The following HECTD4 variants were observed in gnomAD, a reference collection of about 807,000 sequenced individuals.
HECTD4 encodes probable E3 ubiquitin-protein ligase HECTD4.
HECTD4 carries 114 observed loss-of-function variants against 471.5 expected under a neutral mutation model. The ratio of observed to expected loss-of-function variants is 0.24; its 90% CI spans 0.21 to 0.28. HECTD4 has a LOEUF of 0.28. Among genes scored for constraint, HECTD4 ranks in the 10% least tolerant of loss-of-function variants. The pLI, the probability that HECTD4 is intolerant of heterozygous loss-of-function variation, is 1.00. For synonymous variants in HECTD4, 2,012 were observed against 2,256.0 expected, an observed-to-expected ratio of 0.89 and a Z score of 3.07; for missense variants, 3,866 against 5,651.5, an observed-to-expected ratio of 0.68 and a Z score of 10.13.
intron 1 of HECTD4, among the ~76,000 whole-genome samples, chr12:112,351,652 T>C (rs2036249883): frequency 6.6e-6 from 1 of 152,218 alleles, no homozygotes; most frequent in South Asian, 2.1e-4. Context: ...GTGAAAGGTG[T>C]TAATTTAGTG....
At position 112,229,870 on chromosome 12, in the gene HECTD4, C is replaced by T. The variant is rs1002387946; in HGVS notation, c.6347G>A (p.Arg2116Lys). Residue 2116 changes from arginine to lysine, a missense_variant, in exon 41 of 76, where the codon AGA becomes AAA. Physicochemically the swap from Arg to Lys is conservative, Grantham distance 26 (BLOSUM62 2). Coordinates refer to ENST00000682272, the MANE Select transcript of HECTD4 (RefSeq NM_001388303.1). ...WTTTAEKVLS[R>K]ALMYIPQLGK... ...CAATTGTGGAATGTACATCAGTGCT[C>T]TAGACAGAACCTAAATATAGAAGCA... The T allele has an allele frequency of 1.2e-5, 20 of 1,613,064 alleles. No individual in the cohort carries two copies. In the African/African-American group the frequency reaches 1.9e-4, roughly 15 times the overall value.
rs1298876287 is a variant in HECTD4, at chr12:112,173,377, T to A, written c.11595-516A>T. ...GCCTAATTTTAAAATTTTAATTTTT[T>A]AATTTTTTTATTTTTATTTATTTAT... On this transcript the variant is annotated intron_variant, in intron 66 of 75. Transcript: ENST00000682272. The surrounding 1 kb of genome is among the most constrained non-coding windows in gnomAD (Gnocchi z 4.3). Among the ~76,000 whole-genome samples, 1 of 151,926 alleles carries A rather than the reference T, an allele frequency of 6.6e-6. No individual in the cohort carries two copies. The highest frequency in any genetic ancestry group is 1.9e-4 in the East Asian group (1 of 5,178).
intron 7 of HECTD4, chr12:112,301,926 A>C: frequency 9.8e-7 from 1 of 1,019,046 alleles, no homozygotes; most frequent in East Asian, 2.4e-5. Flanking sequence ...TTGGCAATGC[A>C]AGCCACAGAC....
At chr12:112,177,315 C>T (rs774055641) in intron 64 of HECTD4, among the ~76,000 whole-genome samples, 3 of 151,928 alleles carry the variant, frequency 2.0e-5, no homozygotes, top group Admixed American at 1.3e-4. Flanking sequence ...GTCACAGACC[C>T]GTATCTAAAG....
At chr12:112,320,113 T>G (rs918487060) in intron 1 of HECTD4, among the ~76,000 whole-genome samples, 1 of 151,674 alleles carries the variant, frequency 6.6e-6, no homozygotes, top group African/African-American at 2.4e-5. Flanking sequence ...GGTGGGTGGA[T>G]AGCTTGAGCC....
Position 112,175,816 on chromosome 12 carries a change from A to T in HECTD4, c.11514T>A (p.Phe3838Leu). 6.2e-7 allele frequency: 1 copy of T among 1,613,608 alleles called. No individual in the cohort carries two copies. Among genetic ancestry groups the T allele is most frequent in the Non-Finnish European group, 8.5e-7 (1 of 1,179,746 alleles). Residue 3838 changes from phenylalanine to leucine, a missense_variant, in exon 66 of 76, where the codon TTT becomes TTA. Phe to Leu is a conservative substitution (Grantham distance 22). Around this residue, in one of 16 missense-constraint regions of HECTD4, gnomAD observed 715 missense variants for 1,087.6 expected, o/e 0.66. Coordinates refer to ENST00000682272, the MANE Select transcript of HECTD4 (RefSeq NM_001388303.1). ...KYLTLEGFHK[F>L]VIDRARQDIR... ...TATCTTGCCTGGCTCGGTCAATAACAAATTTGTGAAATCCTTCCAGCGTCA... is the reference window on the plus strand; with the variant it reads ...TATCTTGCCTGGCTCGGTCAATAACTAATTTGTGAAATCCTTCCAGCGTCA...
chr12:112,221,126 T>G (rs1193710186), intron 44 of HECTD4, among the ~76,000 whole-genome samples: 1 of 152,040 alleles, frequency 6.6e-6, no homozygotes, highest in Admixed American at 6.5e-5. Context: ...TAATTTTTTG[T>G]ATTTTTTGTA....
chr12:112,207,106 A>T (rs902121233), intron 52 of HECTD4, among the ~76,000 whole-genome samples: 3 of 148,036 alleles, frequency 2.0e-5, no homozygotes, highest in Non-Finnish European at 3.0e-5. Flanking sequence ...GTTTATGTAT[A>T]TGTGTGTGTG....
rs756446506 is a variant in HECTD4 at position 112,192,590 on chromosome 12, G to A, written c.9262C>T (p.Leu3088Phe). 6.3e-7 allele frequency: 1 copy of A among 1,599,436 alleles called. No homozygotes were observed. Among genetic ancestry groups the A allele is most frequent in the South Asian group, 1.1e-5 (1 of 88,122 alleles). ...PTADQYPSVV[L>F]STDRVHIKLG... ...TTGATGTGGACCCTGTCTGTGGAGA[G>A]GACCACAGAGGGGTACTGGTCAGCG... Residue 3088 changes from leucine (L) to phenylalanine (F), a missense_variant, in exon 59 of 76, where the codon CTC (leucine) becomes TTC (phenylalanine). Leu to Phe is a conservative substitution (Grantham distance 22). Around this residue, in one of 16 missense-constraint regions of HECTD4, gnomAD observed 364 missense variants for 413.2 expected, o/e 0.88. Coordinates refer to ENST00000682272, the MANE Select transcript of HECTD4 (RefSeq NM_001388303.1).
chr12:112,236,778 T>C (rs1207578711), intron 35 of HECTD4, among the ~76,000 whole-genome samples, 167 bp downstream of exon 35: 1 of 152,228 alleles, frequency 6.6e-6, no homozygotes, highest in Admixed American at 6.5e-5. Context: ...TGGAACTAAA[T>C]ACTATGTTTC....
chr12:112,324,180 T>C (rs1477267203), intron 1 of HECTD4, among the ~76,000 whole-genome samples: 1 of 149,334 alleles, frequency 6.7e-6, no homozygotes, highest in African/African-American at 2.5e-5. Context: ...AGTGGTGCAA[T>C]CTTAGCTCAC....
chr12:112,349,190 C>T (rs1271208120), intron 1 of HECTD4, among the ~76,000 whole-genome samples: 1 of 152,108 alleles, frequency 6.6e-6, no homozygotes, highest in East Asian at 1.9e-4. Flanking sequence ...GAGTTCGAGA[C>T]CAGCCTAGCC....
In HECTD4 at chr12:112,248,340, C is replaced by A; in HGVS notation, c.4123G>T (p.Ala1375Ser). 1 of 1,599,436 alleles carries A rather than the reference C, an allele frequency of 6.3e-7. No homozygotes were observed. The highest frequency in any genetic ancestry group is 1.7e-5 in the Admixed American group (1 of 57,830). The change falls in exon 26 of 76, where the codon GCC (alanine) becomes TCC (serine). Residue 1375 changes from alanine to serine, a missense_variant. This residue lies in a region of HECTD4 where 281 missense variants were observed against 499.9 expected (regional missense o/e 0.56). Coordinates refer to ENST00000682272, the MANE Select transcript of HECTD4 (RefSeq NM_001388303.1). ...IMGETFKKLN[A>S]MERQLQSVAE... The stretch of plus-strand genomic sequence containing the variant: ...TTTACCTGCAGCTGTCTCTCCATGG[C>A]ATTGAGTTTCTTAAAGGTCTCTCCC...
chr12:112,379,053 C>A lies in HECTD4; in HGVS notation c.177+2899G>T, dbSNP rs559530098. On this transcript the variant is annotated intron_variant, in intron 1 of 75. Transcript: ENST00000682272. Reference sequence around the variant, plus strand: ...CAAGACTCCGTCTCAAAAAAAAAAACCAAAAATTAATAGACCACGAATCTT... The same window carrying A: ...CAAGACTCCGTCTCAAAAAAAAAAAACAAAAATTAATAGACCACGAATCTT... Among the ~76,000 whole-genome samples the A allele has an allele frequency of 1.0e-3, 157 of 151,360 alleles. 1 individual carries two copies. The highest frequency in any genetic ancestry group is 3.1e-3 in the African/African-American group (130 of 41,304).
chr12:112,328,765 C>T (rs1388947611), intron 1 of HECTD4, among the ~76,000 whole-genome samples: 1 of 152,210 alleles, frequency 6.6e-6, no homozygotes, highest in Admixed American at 6.5e-5. Context: ...TTTTCAACAT[C>T]TCTTATTTGT....
At position 112,179,454 on chromosome 12, in the gene HECTD4, C is replaced by T. The variant is rs2031583372; in HGVS notation, c.10988-57G>A. 2.8e-6 allele frequency: 4 copies of T among 1,431,736 alleles called. No homozygotes were observed. Among genetic ancestry groups the T allele is most frequent in the African/African-American group, 1.4e-5 (1 of 71,018 alleles). The allele number at this position is 1,431,736 out of a possible 1,614,324, so 88.7% of individuals were successfully genotyped here. A position where few individuals can be genotyped will look rare whatever the true frequency, so the allele number is the denominator to read the frequency against. On this transcript the variant is annotated intron_variant, in intron 62 of 75. Transcript: ENST00000682272. The surrounding 1 kb of genome is among the most constrained non-coding windows in gnomAD (Gnocchi z 4.3). ...GCCGTGAACATGCATCGGGACAAGC[C>T]CTGCGAGCATTCTGTTTCCAAACAC...
chr12:112,230,967 A>G, intron 39 of HECTD4, 145 bp from the exon 40 acceptor site: 1 of 693,592 alleles, frequency 1.4e-6, no homozygotes, highest in Non-Finnish European at 2.4e-6. Context: ...ACAAGAAGCT[A>G]CATTATCATT....
chr12:112,184,730 T>C lies in HECTD4; in HGVS notation c.10236A>G (p.Val3412=), dbSNP rs1382963131. 4 of 1,612,306 alleles carry C rather than the reference T, an allele frequency of 2.5e-6. No homozygotes were observed. Among genetic ancestry groups the C allele is most frequent in the South Asian group, 1.1e-5 (1 of 90,940 alleles). Residue 3412 remains valine (V), a synonymous_variant, in exon 61 of 76, where the codon GTA becomes GTG. Transcript: ENST00000682272. The surrounding 1 kb of genome is among the most constrained non-coding windows in gnomAD (Gnocchi z 9.1). ...AGGCCTTGCGGATGGCGCCTCTGAC[T>C]ACGCCCTCGTCCAGGTGGGTGGGGA... ...SGIPTHLDEG[V]VRGAIRKACN...
At chr12:112,178,610 G>A (rs757426449) in intron 64 of HECTD4, among the ~76,000 whole-genome samples, 2 of 152,176 alleles carry the variant, frequency 1.3e-5, no homozygotes, top group East Asian at 1.9e-4. Flanking sequence ...CAGGCTGATC[G>A]CTTGAGCCTA....
Sources: allele counts gnomAD v4.1 joint callset (sites outside exome capture counted in the v4.1 genomes callset), GRCh38; gene constraint gnomAD v4.1.1; regional missense constraint gnomAD v4.1.1; non-coding constraint Gnocchi (gnomAD v3.1); transcripts MANE v1.5; gene names NCBI Gene and HGNC (gene_info 2026-07-23, HGNC 2026-07-21).